OPRM1: variants seen among roughly 807,000 people sequenced by gnomAD.
The protein encoded by OPRM1 is opioid receptor mu 1.
A neutral mutation model predicts 31.8 loss-of-function variants in OPRM1; 27 were observed. That is an observed-to-expected ratio of 0.85 (90% CI 0.63 to 1.17). The LOEUF (loss-of-function observed/expected upper bound fraction) is 1.17, where lower values mean the gene tolerates loss of function less well. Ranked by LOEUF, OPRM1 falls within the 50% of genes most tolerant of loss-of-function variation. OPRM1 has a pLI of 0.00. For missense variants in OPRM1, 536 were observed against 511.1 expected (o/e 1.05, Z -0.47); for synonymous variants, 196 against 189.9 (o/e 1.03, Z -0.26).
chr6:154,199,564 C>T, intron 3 of OPRM1: 3 of 1,303,206 alleles, frequency 2.3e-6, no homozygotes, highest in South Asian at 1.5e-5. Flanking sequence ...ATTATTGAAT[C>T]ATCATTCATG....
In OPRM1 at chr6:154,122,148, T is replaced by A. The variant is rs1797339397; in HGVS notation, c.*3427T>A. ...AGCTTAAGTTTTTCAGCTTCTTAAC[T>A]GGCCACACACACACAAGTTGTGTTT... On this transcript the variant is annotated 3_prime_UTR_variant, in exon 4 of 4. Transcript: ENST00000330432. 6.6e-6 allele frequency among the ~76,000 whole-genome samples: 1 copy of A among 152,140 alleles called. No individual in the cohort carries two copies.
intron 1 of OPRM1, among the ~76,000 whole-genome samples, chr6:154,075,469 T>C (rs1476429932): frequency 5.1e-5 from 7 of 137,866 alleles, no homozygotes; most frequent in South Asian, 2.2e-4. Context: ...TTTTTTTTTT[T>C]CCAGACGGAA....
In OPRM1 at chr6:154,181,977, G is replaced by A. The variant is rs115000629; in HGVS notation, c.1165-64716G>A. 5.7e-3 allele frequency among the ~76,000 whole-genome samples: 866 copies of A among 152,290 alleles called. 13 individuals carry two copies. The highest frequency in any genetic ancestry group is 0.019 in the African/African-American group (799 of 41,566). ...GGAGAACACTCTAGTTGGGAAAGGT[G>A]AGGCGATTTTAAAAGATGGCAGGTT... On this transcript the variant is annotated intron_variant, in intron 3 of 3. Coordinates refer to the OPRM1 transcript ENST00000337049.
intron 3 of OPRM1, among the ~76,000 whole-genome samples, chr6:154,211,392 G>T (rs1441295497): frequency 6.7e-6 from 1 of 150,314 alleles, no homozygotes; most frequent in Non-Finnish European, 1.5e-5. Flanking sequence ...CCGGGTGACA[G>T]AGCAAGACTC....
chr6:154,078,481 T>A (rs978721700), intron 1 of OPRM1, among the ~76,000 whole-genome samples: 1 of 152,222 alleles, frequency 6.6e-6, no homozygotes, highest in Non-Finnish European at 1.5e-5. Flanking sequence ...AATTCCATTA[T>A]AGAATTTTGA....
At chr6:154,094,195 C>T (rs1259099303) in intron 3 of OPRM1, 1 of 1,281,496 alleles carries the variant, frequency 7.8e-7, no homozygotes, top group Admixed American at 2.3e-5. Flanking sequence ...CATTAGTCAA[C>T]TTCATATTCT....
chr6:154,246,325 A>G (rs1445680452), intron 3 of OPRM1, among the ~76,000 whole-genome samples: 1 of 152,148 alleles, frequency 6.6e-6, no homozygotes, highest in Non-Finnish European at 1.5e-5. Flanking sequence ...ACAGAACTTA[A>G]AAGTCTCCTT....
At chr6:154,219,332 CTACT>C (rs1778660617) in intron 3 of OPRM1, 1 of 152,334 alleles carries the variant, frequency 6.6e-6, no homozygotes, top group South Asian at 2.1e-4. Context: ...GAGAGGAAAA[CTACT>C]TGCAAGGAAT....
Position 154,125,043 on chromosome 6 carries a change from C to G in OPRM1, c.*6322C>G, listed in dbSNP as rs1211679081. Among the ~76,000 whole-genome samples the G allele has an allele frequency of 1.3e-5, 2 of 152,048 alleles. No homozygotes were observed. The highest frequency in any genetic ancestry group is 2.9e-5 in the Non-Finnish European group (2 of 68,026). ...GCAGCTACATTAGACAGTTTTACAG[C>G]TCTGTATTTCAGGAAAACTTCTGTC... On this transcript the variant is annotated 3_prime_UTR_variant, in exon 4 of 4. Coordinates refer to ENST00000330432, the MANE Select transcript of OPRM1 (RefSeq NM_000914.5).
chr6:154,059,888 G>T (rs1257548290), intron 1 of OPRM1, among the ~76,000 whole-genome samples: 1 of 152,092 alleles, frequency 6.6e-6, no homozygotes, highest in Admixed American at 6.5e-5. Flanking sequence ...AAATTCCCAA[G>T]ATTAAAATTA....
At chr6:154,012,926 A>G (rs920523658) in intron 1 of OPRM1, among the ~76,000 whole-genome samples, 2 of 152,078 alleles carry the variant, frequency 1.3e-5, no homozygotes, top group Non-Finnish European at 2.9e-5. Context: ...CACTCATCCC[A>G]TCATAAGAGC....
chr6:154,039,821 T>C lies in OPRM1; in HGVS notation c.277T>C (p.Tyr93His), dbSNP rs532190558. ...VGLFGNFLVM[Y>H]VIVRYTKMKT... ...GCTCTTCGGAAACTTCCTGGTCATG[T>C]ATGTGATTGTCAGGTAAGGAAAGCG... The change falls in exon 1 of 4, where the codon TAT (tyrosine) becomes CAT (histidine). Residue 93 changes from tyrosine to histidine, a missense_variant. Tyr to His is a moderately conservative substitution (Grantham distance 83). Coordinates refer to ENST00000330432, the MANE Select transcript of OPRM1 (RefSeq NM_000914.5). The C allele has an allele frequency of 6.3e-7, 1 of 1,585,478 alleles. No homozygotes were observed. Among genetic ancestry groups the C allele is most frequent in the Admixed American group, 1.7e-5 (1 of 59,384 alleles).
intron 3 of OPRM1, among the ~76,000 whole-genome samples, chr6:154,237,216 G>A (rs1325377828): frequency 1.3e-5 from 2 of 152,066 alleles, no homozygotes; most frequent in Non-Finnish European, 2.9e-5. Context: ...TCATCCCATG[G>A]GCCACTTGGC....
At chr6:154,036,180 T>C (rs1454083747), upstream of OPRM1, among the ~76,000 whole-genome samples, 1 of 152,068 alleles carries the variant, frequency 6.6e-6, no homozygotes, top group Non-Finnish European at 1.5e-5. Context: ...TATTAAGTGG[T>C]ATTAATTTAT....
At chr6:154,223,894 A>G (rs1779054340) in intron 3 of OPRM1, among the ~76,000 whole-genome samples, 1 of 152,244 alleles carries the variant, frequency 6.6e-6, no homozygotes, top group Non-Finnish European at 1.5e-5. Context: ...TCTACAAAGA[A>G]AAGACTGCAT....
At chr6:154,036,709 T>TA (rs988698209), upstream of OPRM1, among the ~76,000 whole-genome samples, 1 of 151,974 alleles carries the variant, frequency 6.6e-6, no homozygotes, top group East Asian at 1.9e-4. Context: ...ACTGTGTCAT[T>TA]AAAAAAATCA....
In OPRM1 at chr6:154,130,402, T is replaced by A. The variant is rs796664198; in HGVS notation, c.*11681T>A. Among the ~76,000 whole-genome samples the A allele has an allele frequency of 3.9e-5, 6 of 152,218 alleles. No individual in the cohort carries two copies. The highest frequency in any genetic ancestry group is 1.4e-4 in the African/African-American group (6 of 41,548). On this transcript the variant is annotated 3_prime_UTR_variant, in exon 4 of 4. Transcript: ENST00000330432. The stretch of plus-strand genomic sequence containing the variant: ...CCAGGATGGTTTCGATCTCCTGACC[T>A]CGTGATCTGCCTGCCTCGGCCTCCC...
intron 1 of OPRM1, among the ~76,000 whole-genome samples, chr6:154,075,596 T>C (rs886246826): frequency 6.6e-6 from 1 of 151,996 alleles, no homozygotes; most frequent in Non-Finnish European, 1.5e-5. Context: ...GGATTATGAG[T>C]GCAGGCCACC....
Position 154,087,311 on chromosome 6 carries a change from G to T in OPRM1, c.291-2515G>T, listed in dbSNP as rs1790820301. 3.0e-6 allele frequency: 3 copies of T among 985,364 alleles called. No individual in the cohort carries two copies. In the South Asian group the frequency reaches 1.4e-4, roughly 46 times the overall value. 61.0% of individuals were successfully genotyped at this position (985,364 alleles called of 1,614,324 possible). A position where few individuals can be genotyped will look rare whatever the true frequency, so the allele number is the denominator to read the frequency against. ...GTTATTGAAACCAAAACACTTTCCT[G>T]GACACTGAATTCAGTCCTAAACAAA... is the stretch of plus-strand genomic sequence containing the variant. On this transcript the variant is annotated intron_variant, in intron 1 of 3. Transcript: ENST00000330432.
Sources: allele counts gnomAD v4.1 joint callset (sites outside exome capture counted in the v4.1 genomes callset), GRCh38; gene constraint gnomAD v4.1.1; transcripts MANE v1.5; gene names NCBI Gene and HGNC (gene_info 2026-07-23, HGNC 2026-07-21).